Variants in KCTD21 observed in about 807,000 individuals in gnomAD.
The protein encoded by KCTD21 is BTB/POZ domain-containing protein KCTD21.
Under a neutral mutation model 13.2 loss-of-function variants are expected in KCTD21, and 9 were observed. The ratio of observed to expected loss-of-function variants is 0.68; its 90% CI spans 0.41 to 1.19. The LOEUF is 1.19. KCTD21 is among the 50% of genes most tolerant of loss of function. KCTD21 has a pLI of 0.01. For synonymous variants in KCTD21, 142 were observed against 137.4 expected, an observed-to-expected ratio of 1.03 and a Z score of -0.23; for missense variants, 303 against 336.5, an observed-to-expected ratio of 0.90 and a Z score of 0.78.
chr11:78,182,317 A>G (rs1862652607), intron 1 of KCTD21, among the ~76,000 whole-genome samples: 1 of 142,654 alleles, frequency 7.0e-6, no homozygotes, highest in Non-Finnish European at 1.5e-5. Context: ...CCTCAAAATT[A>G]ATTATAGTTG....
Position 78,172,744 on chromosome 11 carries a change from C to CT in KCTD21, c.*1027dup, listed in dbSNP as rs1246255219. On this transcript the variant is annotated 3_prime_UTR_variant, in exon 2 of 2. Transcript: ENST00000340067. ...TTGGCTCAATATAGGGAAGAACTGT[C>CT]TAACAGTCAGCACTGTCCAACCACA... 1.3e-5 allele frequency: 2 copies of CT among 152,388 alleles called. No homozygotes were observed. The highest frequency in any genetic ancestry group is 4.8e-5 in the African/African-American group (2 of 41,434). 9.4% of individuals were successfully genotyped at this position (152,388 alleles called of 1,614,324 possible). A position where few individuals can be genotyped will look rare whatever the true frequency, so the allele number is the denominator to read the frequency against.
At chr11:78,183,055 C>T (rs534744245) in intron 1 of KCTD21, among the ~76,000 whole-genome samples, 14 of 152,304 alleles carry the variant, frequency 9.2e-5, no homozygotes, top group African/African-American at 3.4e-4. Flanking sequence ...TCTGCTCACT[C>T]ACAGAGCCTA....
intron 1 of KCTD21, among the ~76,000 whole-genome samples, chr11:78,178,799 C>T (rs1320582630): frequency 6.6e-6 from 1 of 152,136 alleles, no homozygotes; most frequent in Non-Finnish European, 1.5e-5. Context: ...GGGGCAGGGA[C>T]CCTAAGACCA....
chr11:78,185,576 A>G (rs1862741718), intron 1 of KCTD21, among the ~76,000 whole-genome samples: 1 of 151,518 alleles, frequency 6.6e-6, no homozygotes, highest in East Asian at 1.9e-4. Flanking sequence ...CACCACCCAC[A>G]GAAACCACAC....
chr11:78,178,533 G>A (rs181645577), intron 1 of KCTD21, among the ~76,000 whole-genome samples: 18 of 152,228 alleles, frequency 1.2e-4, no homozygotes, highest in African/African-American at 3.6e-4. Flanking sequence ...TTCATGAGTC[G>A]GCGGAGGTTT....
In KCTD21 at chr11:78,173,489, G is replaced by T. The variant is rs534879786; in HGVS notation, c.*283C>A. 5 of 329,740 alleles carry T rather than the reference G, an allele frequency of 1.5e-5. No individual in the cohort carries two copies. The South Asian group carries it at 2.5e-4, about 17-fold the overall frequency. The allele number at this position is 329,740 out of a possible 1,614,324, so 20.4% of individuals were successfully genotyped here. A position where few individuals can be genotyped will look rare whatever the true frequency, so the allele number is the denominator to read the frequency against. ...AAACTGCTGCTCTTTTGTCCTGGCT[G>T]GAAAATCCTCCTATGGCCTCCTTTA... On this transcript the variant is annotated 3_prime_UTR_variant, in exon 2 of 2. Transcript: ENST00000340067.
rs186712795 is a variant in KCTD21, at chr11:78,185,753, G to A, written c.-30+2820C>T. Reference sequence around the variant, plus strand: ...ATTTCAGGTGCGTGCCACCATGCCCGGCTAATTTTTGTATTTTTAGTAGAG... The same window carrying A: ...ATTTCAGGTGCGTGCCACCATGCCCAGCTAATTTTTGTATTTTTAGTAGAG... On this transcript the variant is annotated intron_variant, in intron 1 of 1. Coordinates refer to ENST00000340067, the MANE Select transcript of KCTD21 (RefSeq NM_001029859.3). Among the ~76,000 whole-genome samples, 428 of 152,018 alleles carry A rather than the reference G, an allele frequency of 2.8e-3. 1 individual carries two copies. Among genetic ancestry groups the A allele is most frequent in the Non-Finnish European group, 4.7e-3 (320 of 67,968 alleles).
At chr11:78,183,310 C>T (rs1484016160) in intron 1 of KCTD21, among the ~76,000 whole-genome samples, 1 of 152,006 alleles carries the variant, frequency 6.6e-6, no homozygotes, top group African/African-American at 2.4e-5. Context: ...CCGAGGCGGG[C>T]GGATCACCTG....
intron 1 of KCTD21, among the ~76,000 whole-genome samples, chr11:78,186,371 CAAAAAAAAAAAAAAAAAAAAAAAAA>C (rs57748403): frequency 6.5e-5 from 3 of 45,808 alleles, no homozygotes; most frequent in Non-Finnish European, 1.2e-4. Context: ...GACCCTGTCT[CAAAAAAAAAAAAAAAAAAAAAAAAA>C]AAAAAAAAAA....
At chr11:78,182,004 C>T (rs1862636835) in intron 1 of KCTD21, among the ~76,000 whole-genome samples, 1 of 152,108 alleles carries the variant, frequency 6.6e-6, no homozygotes. Flanking sequence ...TTGGAAACCA[C>T]TGCCTAGTTT....
chr11:78,175,866 A>C (rs1390340651), intron 1 of KCTD21, among the ~76,000 whole-genome samples: 1 of 151,588 alleles, frequency 6.6e-6, no homozygotes, highest in Non-Finnish European at 1.5e-5. Context: ...TATATCTCCT[A>C]ATGCTATCCC....
intron 1 of KCTD21, chr11:78,175,405 A>C (rs1424402655): frequency 6.6e-6 from 1 of 152,148 alleles, no homozygotes; most frequent in African/African-American, 2.4e-5. Context: ...AGATGAGGAA[A>C]ACTGTGCCAG....
intron 1 of KCTD21, among the ~76,000 whole-genome samples, chr11:78,179,407 C>T (rs1217581139): frequency 1.3e-5 from 2 of 152,042 alleles, no homozygotes; most frequent in Non-Finnish European, 2.9e-5. Flanking sequence ...AGAAGCCTCA[C>T]CTGTGCCTTC....
chr11:78,188,391 C>T (rs1862879185), intron 1 of KCTD21, 182 bp downstream of exon 1: 1 of 985,662 alleles, frequency 1.0e-6, no homozygotes. Context: ...CTGCCCACTT[C>T]GGCTCACCTC....
intron 1 of KCTD21, among the ~76,000 whole-genome samples, chr11:78,177,419 C>T (rs1459208175): frequency 2.0e-5 from 3 of 152,266 alleles, no homozygotes; most frequent in African/African-American, 2.4e-5. Flanking sequence ...GAGGTGTGGG[C>T]GAGCTGCCGC....
intron 1 of KCTD21, among the ~76,000 whole-genome samples, chr11:78,179,973 C>T (rs1402915165): frequency 6.6e-6 from 1 of 152,150 alleles, no homozygotes; most frequent in Non-Finnish European, 1.5e-5. Context: ...GCCCTCTTCC[C>T]TGGCTATCTC....
rs532305114 is a variant in KCTD21, at chr11:78,184,329, CTATTTATT to C, written c.-30+4236_-30+4243del. On this transcript the variant is annotated intron_variant, in intron 1 of 1. Coordinates refer to ENST00000340067, the MANE Select transcript of KCTD21 (RefSeq NM_001029859.3). Reference sequence around the variant, plus strand: ...ACATATTTAAATAGGTGGAGAAGCTCTATTTATTTATTTATTTATTTATTTGAGATAGA... The same window carrying C: ...ACATATTTAAATAGGTGGAGAAGCTCTATTTATTTATTTATTTGAGATAGA... Among the ~76,000 whole-genome samples, 611 of 152,102 alleles carry C rather than the reference CTATTTATT, an allele frequency of 4.0e-3. 2 individuals are homozygous for C. Among genetic ancestry groups the C allele is most frequent in the African/African-American group, 0.014 (576 of 41,464 alleles).
chr11:78,187,263 T>TCAC, intron 1 of KCTD21: 1 of 985,256 alleles, frequency 1.0e-6, no homozygotes, highest in Non-Finnish European at 1.2e-6. Flanking sequence ...TACCCTTTCT[T>TCAC]CACCTCCTCT....
chr11:78,174,734 A>T, intron 1 of KCTD21, 151 bp from the exon 2 acceptor site: 3 of 591,642 alleles, frequency 5.1e-6, no homozygotes. Context: ...ACACTGTGCA[A>T]AGTACATTAG....
Sources: allele counts gnomAD v4.1 joint callset (sites outside exome capture counted in the v4.1 genomes callset), GRCh38; gene constraint gnomAD v4.1.1; transcripts MANE v1.5; gene names NCBI Gene and HGNC (gene_info 2026-07-23, HGNC 2026-07-21).